Variants in HUWE1 observed in about 807,000 individuals in gnomAD.
HUWE1 encodes E3 ubiquitin-protein ligase HUWE1.
A neutral mutation model predicts 299.4 loss-of-function variants in HUWE1; 18 were observed. That is an observed-to-expected ratio of 0.06 (90% CI 0.04 to 0.09). HUWE1 has a LOEUF of 0.09. Among genes scored for constraint, HUWE1 ranks in the 10% least tolerant of loss-of-function variants. HUWE1 has a pLI of 1.00. For missense variants in HUWE1, 1,832 were observed against 3,462.3 expected, an observed-to-expected ratio of 0.53 and a Z score of 11.82; for synonymous variants, 1,317 against 1,286.1, an observed-to-expected ratio of 1.02 and a Z score of -0.51.
chrX:53,547,464 AAG>A (rs1260195121), intron 68 of HUWE1, among the ~76,000 whole-genome samples: 10 of 111,551 alleles, frequency 9.0e-5, no homozygotes, highest in Admixed American at 6.7e-4. Context: ...GAGAGAGAGA[AAG>A]AGAGAGACAC....
chrX:53,632,605 A>G (rs1557023702), intron 8 of HUWE1, 41 bp from the exon 9 acceptor site: 1 of 961,881 alleles, frequency 1.0e-6, no homozygotes, highest in Admixed American at 2.2e-5. Flanking sequence ...ATTGAGTTTC[A>G]ACTGATTATA....
chrX:53,647,659 T>C, intron 5 of HUWE1, 85 bp from the exon 6 acceptor site: 1 of 705,207 alleles, frequency 1.4e-6, no homozygotes, highest in Non-Finnish European at 2.3e-6. Context: ...TTACAAGAGA[T>C]TGCTGAGCAT....
chrX:53,655,416 T>A (rs1236136434), intron 3 of HUWE1, among the ~76,000 whole-genome samples: 4 of 112,059 alleles, frequency 3.6e-5, no homozygotes, highest in Non-Finnish European at 7.5e-5. Context: ...AAATTCAGAA[T>A]ACGTTCTAAA....
chrX:53,568,081 GA>G (rs1337287859), intron 49 of HUWE1, among the ~76,000 whole-genome samples: 3 of 111,401 alleles, frequency 2.7e-5, no homozygotes, highest in African/African-American at 9.8e-5. Context: ...TCGAAATAAT[GA>G]AAAAAAATTG....
chrX:53,534,801 A>G, intron 81 of HUWE1, 104 bp from the exon 82 acceptor site: 1 of 681,479 alleles, frequency 1.5e-6, no homozygotes, highest in South Asian at 2.6e-5. Context: ...CTGGGACTAC[A>G]GGCATGCACC....
intron 25 of HUWE1, among the ~76,000 whole-genome samples, chrX:53,605,577 C>T (rs186118050): frequency 8.9e-6 from 1 of 112,673 alleles, no homozygotes; most frequent in East Asian, 2.8e-4. Context: ...TTACTTATCA[C>T]TCTGCAGCCC....
Position 53,631,098 on chromosome X carries a change from G to A in HUWE1, c.763-64C>T, listed in dbSNP as rs2149057986. 5 of 702,301 alleles carry A rather than the reference G, an allele frequency of 7.1e-6. No homozygotes were observed. The East Asian group carries it at 1.3e-4, about 18-fold the overall frequency. 57.9% of individuals were successfully genotyped at this position (702,301 alleles called of 1,213,427 possible). On this transcript the variant is annotated intron_variant, in intron 11 of 83. Coordinates refer to ENST00000262854, the MANE Select transcript of HUWE1 (RefSeq NM_031407.7). ...GAAAAAGGTGAATATTCTTTATGAG[G>A]GCTAACTCAAAAAACAACACAACTA... is the stretch of plus-strand genomic sequence containing the variant.
At chrX:53,549,749 C>A (rs782051335) in intron 66 of HUWE1, among the ~76,000 whole-genome samples, 1 of 108,709 alleles carries the variant, frequency 9.2e-6, no homozygotes, top group Admixed American at 9.9e-5. Context: ...TGAAGCCCCC[C>A]ACCCCCACCA....
chrX:53,599,719 G>A (rs782319541), intron 29 of HUWE1, among the ~76,000 whole-genome samples: 13 of 112,270 alleles, frequency 1.2e-4, no homozygotes, highest in African/African-American at 4.2e-4. Context: ...AAGCACCAAA[G>A]GAAGAATATT....
Position 53,565,093 on chromosome X carries a change from T to G in HUWE1, c.6854A>C (p.Asp2285Ala), listed in dbSNP as rs1556944409. The change falls in exon 50 of 84, where the codon GAT becomes GCT. Residue 2285 changes from aspartate (D) to alanine (A), a missense_variant. Around this residue, in one of 15 missense-constraint regions of HUWE1, gnomAD observed 26 missense variants for 20.7 expected, o/e 1.26. Transcript: ENST00000262854. Reference sequence around the variant, plus strand: ...TGGGTCCTGCTGGTTGCTACTGGAATCTTGAGAGGCTCCTTGGGCATCCTG... The same window carrying G: ...TGGGTCCTGCTGGTTGCTACTGGAAGCTTGAGAGGCTCCTTGGGCATCCTG... ...SEQDAQGASQ[D>A]SSSNQQDPGE... 8.3e-7 allele frequency: 1 copy of G among 1,211,789 alleles called. No individual in the cohort carries two copies. Among genetic ancestry groups the G allele is most frequent in the Non-Finnish European group, 1.1e-6 (1 of 895,435 alleles).
chrX:53,556,218 A>G, intron 60 of HUWE1: 1 of 344,709 alleles, frequency 2.9e-6, no homozygotes, highest in Non-Finnish European at 5.9e-6. Context: ...TGCTAAGACT[A>G]AGTGTGAATA....
Position 53,544,734 on chromosome X carries a change from C to T in HUWE1, c.11077G>A (p.Val3693Met). ...RFDMAENVVI[V>M]ASQKRPLGGR... ...CCCAAAGGTCGCTTCTGAGATGCCA[C>T]AATTACCACATTCTCAGCCATGTCA... Residue 3693 changes from valine (V) to methionine (M), a missense_variant, in exon 72 of 84, where the codon GTG becomes ATG. By Grantham distance (21) the Val-to-Met change is conservative. This residue lies in a region of HUWE1 where 41 missense variants were observed against 124.0 expected (regional missense o/e 0.33). Transcript: ENST00000262854. 1.7e-6 allele frequency: 2 copies of T among 1,207,017 alleles called. No individual in the cohort carries two copies. Among genetic ancestry groups the T allele is most frequent in the Non-Finnish European group, 2.2e-6 (2 of 893,634 alleles).
chrX:53,561,643 A>C (rs2062298949), intron 55 of HUWE1, 113 bp downstream of exon 55: 1 of 1,074,736 alleles, frequency 9.3e-7, no homozygotes, highest in Non-Finnish European at 1.3e-6. Context: ...GGAAGTCAGC[A>C]TAGGAAAAGA....
chrX:53,675,143 G>A (rs1569515740), intron 3 of HUWE1, among the ~76,000 whole-genome samples: 1 of 110,875 alleles, frequency 9.0e-6, no homozygotes, highest in African/African-American at 3.3e-5. Context: ...CTGGGTATGG[G>A]AGCCTCTATT....
At position 53,573,958 on chromosome X, in the gene HUWE1, G is replaced by A. The variant is rs199807997; in HGVS notation, c.6104C>T (p.Thr2035Ile). The change falls in exon 47 of 84, where the codon ACT (threonine) becomes ATT (isoleucine). Residue 2035 changes from threonine to isoleucine, a missense_variant. This residue lies in a region of HUWE1 where 157 missense variants were observed against 252.3 expected (regional missense o/e 0.62). Transcript: ENST00000262854. ...ASGTSQGEASTPEESRDGKKD... is the reference protein window; with the variant it reads ...ASGTSQGEASIPEESRDGKKD... ...CTTCCCATCTCGAGACTCCTCTGGA[G>A]TTGAAGCTGTTGAGAAAAGTCAAAC... The A allele has an allele frequency of 5.8e-6, 7 of 1,203,296 alleles. No homozygotes were observed. Among genetic ancestry groups the A allele is most frequent in the Non-Finnish European group, 5.6e-6 (5 of 889,891 alleles).
intron 2 of HUWE1, chrX:53,683,724 A>AACG (rs2070313516): frequency 3.7e-6 from 1 of 269,766 alleles, no homozygotes; most frequent in South Asian, 2.5e-4. Context: ...TCACCTCCTT[A>AACG]ACGCTGGGCA....
At chrX:53,578,319 C>G (rs2063303127) in intron 43 of HUWE1, among the ~76,000 whole-genome samples, 1 of 108,040 alleles carries the variant, frequency 9.3e-6, no homozygotes, top group African/African-American at 3.4e-5. Flanking sequence ...TGAGGAGCGT[C>G]TCCGCCCGGC....
chrX:53,684,246 T>A (rs782093242), intron 2 of HUWE1: 2 of 175,684 alleles, frequency 1.1e-5, no homozygotes, highest in Non-Finnish European at 2.2e-5. Context: ...CGAGACCTTC[T>A]TAATTCACCG....
chrX:53,615,933 G>A lies in HUWE1; in HGVS notation c.1958-98C>T, dbSNP rs1426992193. On this transcript the variant is annotated intron_variant, in intron 21 of 83. Coordinates refer to ENST00000262854, the MANE Select transcript of HUWE1 (RefSeq NM_031407.7). ...ACATATAAAGTGGAAAGAAGAAACT[G>A]AGCCTGGTTATGATTTTCTTTCCTT... is the stretch of plus-strand genomic sequence containing the variant. 4 of 614,259 alleles carry A rather than the reference G, an allele frequency of 6.5e-6. No individual in the cohort carries two copies. In the Admixed American group the frequency reaches 8.1e-5, roughly 12 times the overall value. 50.6% of individuals were successfully genotyped at this position (614,259 alleles called of 1,213,427 possible). A position where few individuals can be genotyped will look rare whatever the true frequency, so the allele number is the denominator to read the frequency against.
Sources: allele counts gnomAD v4.1 joint callset (sites outside exome capture counted in the v4.1 genomes callset), GRCh38; gene constraint gnomAD v4.1.1; regional missense constraint gnomAD v4.1.1; transcripts MANE v1.5; gene names NCBI Gene and HGNC (gene_info 2026-07-23, HGNC 2026-07-21).